Variants in PDE4D observed in about 807,000 individuals in gnomAD.
The protein encoded by PDE4D is 3',5'-cyclic-AMP phosphodiesterase 4D.
In PDE4D, 24 loss-of-function variants were observed where a neutral mutation model predicts 87.4. The ratio of observed to expected loss-of-function variants is 0.27; its 90% CI spans 0.20 to 0.39. PDE4D has a LOEUF of 0.39. Ranked by LOEUF, PDE4D falls within the 10% of genes least tolerant of loss-of-function variation. The pLI, the probability that PDE4D is intolerant of heterozygous loss-of-function variation, is 1.00. For synonymous variants in PDE4D, 384 were observed against 383.2 expected (o/e 1.00, Z -0.02); for missense variants, 714 against 1,041.0 (o/e 0.69, Z 4.32).
intron 1 of PDE4D, among the ~76,000 whole-genome samples, chr5:59,266,002 T>C (rs938155734): frequency 5.9e-5 from 9 of 152,136 alleles, no homozygotes; most frequent in African/African-American, 9.6e-5. Context: ...AATTACATTA[T>C]AGCTCAATAC....
intron 1 of PDE4D, among the ~76,000 whole-genome samples, chr5:59,490,109 A>G (rs1188613083): frequency 1.3e-5 from 2 of 152,188 alleles, no homozygotes; most frequent in Non-Finnish European, 2.9e-5. Flanking sequence ...GGCTACAAAG[A>G]TGAGATACCC....
chr5:59,973,434 C>T (rs2152819505), intron 3 of PDE4D, among the ~76,000 whole-genome samples: 1 of 152,264 alleles, frequency 6.6e-6, no homozygotes, highest in Admixed American at 6.5e-5. Context: ...TTCCATGTTA[C>T]CATATACTTA....
intron 3 of PDE4D, among the ~76,000 whole-genome samples, chr5:59,944,488 T>C (rs1757524028): frequency 1.3e-5 from 2 of 152,190 alleles, no homozygotes; most frequent in South Asian, 4.1e-4. Flanking sequence ...TTCTCCTGCC[T>C]CACCTCCCGA....
intron 1 of PDE4D, among the ~76,000 whole-genome samples, chr5:59,785,210 A>G (rs1396958724): frequency 1.3e-5 from 2 of 152,230 alleles, no homozygotes; most frequent in Non-Finnish European, 2.9e-5. Flanking sequence ...CTCTTCTTTC[A>G]TAAGCATATA....
At chr5:59,806,358 C>A (rs1478969660) in intron 1 of PDE4D, among the ~76,000 whole-genome samples, 1 of 152,194 alleles carries the variant, frequency 6.6e-6, no homozygotes, top group Non-Finnish European at 1.5e-5. Flanking sequence ...CCTAGACATA[C>A]CCTGAGCCTT....
chr5:59,190,243 A>G (rs1744013608), intron 3 of PDE4D, among the ~76,000 whole-genome samples: 1 of 152,240 alleles, frequency 6.6e-6, no homozygotes, highest in Non-Finnish European at 1.5e-5. Flanking sequence ...GACAGAAAAT[A>G]TGCACAGAAA....
chr5:60,233,956 C>A (rs760850110), intron 1 of PDE4D, among the ~76,000 whole-genome samples: 4 of 151,852 alleles, frequency 2.6e-5, no homozygotes. Flanking sequence ...ATTCACATTA[C>A]TTTTAAAAAA....
intron 1 of PDE4D, among the ~76,000 whole-genome samples, chr5:59,259,624 T>A (rs908215311): frequency 6.6e-6 from 1 of 151,908 alleles, no homozygotes; most frequent in Non-Finnish European, 1.5e-5. Flanking sequence ...TGCTTTTTAT[T>A]TCTTTCTTTA....
intron 1 of PDE4D, among the ~76,000 whole-genome samples, chr5:59,797,471 C>T (rs1224709551): frequency 6.6e-6 from 1 of 152,138 alleles, no homozygotes; most frequent in Non-Finnish European, 1.5e-5. Context: ...GTGCTCCTTG[C>T]TACATGAAAT....
intron 1 of PDE4D, among the ~76,000 whole-genome samples, chr5:59,344,765 A>G (rs1779354033): frequency 6.6e-6 from 1 of 152,176 alleles, no homozygotes; most frequent in African/African-American, 2.4e-5. Flanking sequence ...ATTGTTTCAC[A>G]TCATGAAACC....
At chr5:60,316,845 A>G (rs1203422803) in intron 1 of PDE4D, among the ~76,000 whole-genome samples, 1 of 152,170 alleles carries the variant, frequency 6.6e-6, no homozygotes. Flanking sequence ...AGCAGACTTG[A>G]TCATGGTGGA....
intron 1 of PDE4D, among the ~76,000 whole-genome samples, chr5:59,537,139 T>C (rs1258384490): frequency 2.0e-5 from 3 of 152,146 alleles, no homozygotes; most frequent in African/African-American, 7.2e-5. Flanking sequence ...CTAAGTACTG[T>C]AGAGTAAAAG....
chr5:59,390,262 T>A (rs1399774163), intron 1 of PDE4D, among the ~76,000 whole-genome samples: 3 of 152,142 alleles, frequency 2.0e-5, no homozygotes, highest in Non-Finnish European at 4.4e-5. Context: ...CGCTCTCTAA[T>A]TTTGGATATA....
chr5:59,644,759 G>A (rs1244326723), intron 1 of PDE4D, among the ~76,000 whole-genome samples: 1 of 152,114 alleles, frequency 6.6e-6, no homozygotes, highest in African/African-American at 2.4e-5. Flanking sequence ...GCTTCTCGAG[G>A]ACTATGCCGA....
At chr5:59,710,827 C>A (rs753977889) in intron 1 of PDE4D, among the ~76,000 whole-genome samples, 14 of 152,056 alleles carry the variant, frequency 9.2e-5, no homozygotes, top group African/African-American at 1.4e-4. Context: ...ATAGGGTTAA[C>A]CAATAGCTAC....
chr5:60,461,022 C>A (rs974815525), intron 1 of PDE4D, among the ~76,000 whole-genome samples: 1 of 151,776 alleles, frequency 6.6e-6, no homozygotes, highest in Non-Finnish European at 1.5e-5. Context: ...TGTAAACATA[C>A]CTTTGGCGTA....
intron 2 of PDE4D, among the ~76,000 whole-genome samples, chr5:59,209,447 A>G (rs1749593546): frequency 6.6e-6 from 1 of 152,080 alleles, no homozygotes; most frequent in Non-Finnish European, 1.5e-5. Context: ...TGGCCTCCCA[A>G]ATTGCCAGGA....
At chr5:59,044,175 G>A (rs13181587) in intron 5 of PDE4D, among the ~76,000 whole-genome samples, 27,185 of 152,132 alleles carry the variant, frequency 0.18, 3,342 homozygotes, top group East Asian at 0.7. Flanking sequence ...CCCACCAACA[G>A]TGTAAAAGTG....
intron 1 of PDE4D, among the ~76,000 whole-genome samples, chr5:60,287,621 T>G (rs1355655928): frequency 6.6e-6 from 1 of 152,194 alleles, no homozygotes; most frequent in Non-Finnish European, 1.5e-5. Context: ...CATTTCTGAA[T>G]GTAAAAATCC....
Sources: allele counts gnomAD v4.1 joint callset (sites outside exome capture counted in the v4.1 genomes callset), GRCh38; gene constraint gnomAD v4.1.1; transcripts MANE v1.5; gene names NCBI Gene and HGNC (gene_info 2026-07-23, HGNC 2026-07-21).